The following MARCHF1 variants were observed in gnomAD, a reference collection of about 807,000 sequenced individuals.
The protein encoded by MARCHF1 is membrane associated ring-CH-type finger 1.
In MARCHF1, 40 loss-of-function variants were observed where a neutral mutation model predicts 54.2. The ratio of observed to expected loss-of-function variants is 0.74; its 90% CI spans 0.57 to 0.96. The LOEUF is 0.96. MARCHF1 is among the 40% of genes least tolerant of loss of function. The pLI, the probability that MARCHF1 is intolerant of heterozygous loss-of-function variation, is 0.00. For missense variants in MARCHF1, 586 were observed against 656.5 expected (o/e 0.89, Z 1.17); for synonymous variants, 236 against 236.3 (o/e 1.00, Z 0.01).
intron 3 of MARCHF1, among the ~76,000 whole-genome samples, chr4:163,861,739 C>A (rs1283279451): frequency 6.6e-6 from 1 of 151,828 alleles, no homozygotes; most frequent in Admixed American, 6.6e-5. Context: ...CTAAAGTTTA[C>A]GTAGAAAGGC....
chr4:164,181,659 G>T (rs904520543), intron 1 of MARCHF1, among the ~76,000 whole-genome samples: 2 of 152,122 alleles, frequency 1.3e-5, no homozygotes, highest in Non-Finnish European at 2.9e-5. Context: ...CTTCGGGAAG[G>T]TGATTATATT....
chr4:164,264,666 T>C (rs530843274), intron 1 of MARCHF1, among the ~76,000 whole-genome samples: 1 of 152,208 alleles, frequency 6.6e-6, no homozygotes, highest in East Asian at 1.9e-4. Flanking sequence ...ACACCTGTAA[T>C]CCCAGCACTT....
intron 1 of MARCHF1, among the ~76,000 whole-genome samples, chr4:164,119,674 T>C (rs112319512): frequency 2.6e-5 from 4 of 151,952 alleles, no homozygotes; most frequent in African/African-American, 7.2e-5. Flanking sequence ...TTTTGAATAG[T>C]TGAAACTAAT....
intron 2 of MARCHF1, among the ~76,000 whole-genome samples, chr4:164,108,298 G>A (rs550791483): frequency 3.9e-5 from 6 of 152,136 alleles, no homozygotes; most frequent in African/African-American, 1.4e-4. Flanking sequence ...AGTCAAGCCT[G>A]CTGTTTTTAT....
intron 4 of MARCHF1, among the ~76,000 whole-genome samples, chr4:163,772,884 T>G (rs1579275191): frequency 6.6e-6 from 1 of 152,122 alleles, no homozygotes; most frequent in East Asian, 1.9e-4. Flanking sequence ...ACTGAACTGA[T>G]GAGCCTCAAG....
rs76919119 is a variant in MARCHF1, at chr4:163,833,807, G to A, written c.111+20214C>T. ...TAATTCAGAGATCACAATGGAAATGGGGACAATTACTGTGGAATAATGAGT... is the reference window on the plus strand; with the variant it reads ...TAATTCAGAGATCACAATGGAAATGAGGACAATTACTGTGGAATAATGAGT... On this transcript the variant is annotated intron_variant, in intron 4 of 9. Transcript: ENST00000514618. Among the ~76,000 whole-genome samples the A allele has an allele frequency of 7.1e-3, 1,073 of 152,184 alleles. 7 individuals are homozygous for A. Among genetic ancestry groups the A allele is most frequent in the Middle Eastern group, 0.031 (9 of 294 alleles).
chr4:164,341,940 C>T (rs1729942933), intron 1 of MARCHF1, among the ~76,000 whole-genome samples: 1 of 151,884 alleles, frequency 6.6e-6, no homozygotes, highest in South Asian at 2.1e-4. Flanking sequence ...CACTAATGTC[C>T]CAAAAAGAAA....
intron 1 of MARCHF1, among the ~76,000 whole-genome samples, chr4:164,286,244 C>T (rs747610172): frequency 7.9e-5 from 12 of 152,136 alleles, no homozygotes; most frequent in Non-Finnish European, 1.5e-4. Context: ...CACAGGAGAT[C>T]AGTATACAAC....
At chr4:163,556,552 ATTTT>A (rs35746902) in intron 8 of MARCHF1, among the ~76,000 whole-genome samples, 1 of 148,342 alleles carries the variant, frequency 6.7e-6, no homozygotes, top group African/African-American at 2.5e-5. Flanking sequence ...AATTGAGTTG[ATTTT>A]TTTTTTTACT....
chr4:164,081,965 G>A (rs978450849), intron 2 of MARCHF1, among the ~76,000 whole-genome samples: 2 of 152,146 alleles, frequency 1.3e-5, no homozygotes, highest in African/African-American at 2.4e-5. Context: ...CTAATAAACT[G>A]TCTCACACCA....
chr4:163,964,607 G>A (rs1215846002), intron 3 of MARCHF1, among the ~76,000 whole-genome samples: 1 of 151,868 alleles, frequency 6.6e-6, no homozygotes, highest in African/African-American at 2.4e-5. Context: ...TAGGACTGTT[G>A]GTCAAAAATC....
At chr4:163,741,101 C>T (rs1262389098) in intron 4 of MARCHF1, among the ~76,000 whole-genome samples, 1 of 152,106 alleles carries the variant, frequency 6.6e-6, no homozygotes, top group East Asian at 1.9e-4. Flanking sequence ...GGTCAGAAAA[C>T]TGGGTTCTAA....
intron 4 of MARCHF1, among the ~76,000 whole-genome samples, chr4:163,829,749 T>C (rs1748964613): frequency 6.6e-6 from 1 of 152,206 alleles, no homozygotes; most frequent in Admixed American, 6.5e-5. Flanking sequence ...AAATGTATAT[T>C]ATGAATTTAG....
chr4:163,964,594 T>C (rs1441387656), intron 3 of MARCHF1, among the ~76,000 whole-genome samples: 1 of 152,018 alleles, frequency 6.6e-6, no homozygotes, highest in Non-Finnish European at 1.5e-5. Flanking sequence ...AAACTCTTTT[T>C]TCTAGGACTG....
intron 2 of MARCHF1, among the ~76,000 whole-genome samples, chr4:164,027,362 TAAAAAAAA>T (rs59453843): frequency 2.0e-3 from 22 of 10,788 alleles, no homozygotes; most frequent in Non-Finnish European, 5.2e-3. Flanking sequence ...ATGGTACAGG[TAAAAAAAA>T]AAAAAAAAAA....
chr4:163,629,772 G>A (rs1742007991), intron 5 of MARCHF1, among the ~76,000 whole-genome samples: 1 of 152,144 alleles, frequency 6.6e-6, no homozygotes, highest in African/African-American at 2.4e-5. Context: ...CGTGGCACGT[G>A]TATAGCTATG....
In MARCHF1 at chr4:164,159,864, CT is replaced by C. The variant is rs1210475522; in HGVS notation, c.-322-48203del. On this transcript the variant is annotated intron_variant, in intron 1 of 9. Coordinates refer to ENST00000514618, the MANE Select transcript of MARCHF1 (RefSeq NM_001394959.1). Reference sequence around the variant, plus strand: ...TGCCTGACTCCAGTAAATGGTACCTCTTCTCTGGACCTCATTCTTCATCTGT... The same window carrying C: ...TGCCTGACTCCAGTAAATGGTACCTCTCTCTGGACCTCATTCTTCATCTGT... Among the ~76,000 whole-genome samples the C allele has an allele frequency of 2.0e-5, 3 of 152,234 alleles. No homozygotes were observed. The East Asian group carries it at 5.8e-4, about 29-fold the overall frequency.
chr4:163,833,068 C>T (rs201981269), intron 4 of MARCHF1, among the ~76,000 whole-genome samples: 1,803 of 151,380 alleles, frequency 0.012, 30 homozygotes, highest in African/African-American at 0.039. Context: ...CATGTGTCTT[C>T]ATAGCAGCAT....
In MARCHF1 at chr4:164,236,081, T is replaced by G. The variant is rs376434993; in HGVS notation, c.-322-124419A>C. On this transcript the variant is annotated intron_variant, in intron 1 of 9. Transcript: ENST00000514618. The stretch of plus-strand genomic sequence containing the variant: ...TTCCTGATGTCCTAAGGATTCTAAT[T>G]TTTTAGTACCAAGCTTATTTTAATC... 9.9e-4 allele frequency among the ~76,000 whole-genome samples: 150 copies of G among 152,102 alleles called. 2 individuals are homozygous for G. Among genetic ancestry groups the G allele is most frequent in the African/African-American group, 3.4e-3 (143 of 41,516 alleles).
Sources: gnomAD v4.1 joint callset for allele counts (sites outside exome capture counted in the v4.1 genomes callset) on GRCh38, gnomAD v4.1.1 for gene constraint, MANE v1.5 for transcripts, NCBI Gene and HGNC (gene_info 2026-07-23, HGNC 2026-07-21) for gene names.